ITGA9: variants seen among roughly 807,000 people sequenced by gnomAD.
The protein encoded by ITGA9 is integrin alpha-9.
Under a neutral mutation model 127.8 loss-of-function variants are expected in ITGA9, and 56 were observed. The observed-to-expected ratio is 0.44, with a 90% CI of 0.35 to 0.55. ITGA9 has a LOEUF of 0.55. Ranked by LOEUF, ITGA9 falls within the 20% of genes least tolerant of loss-of-function variation. ITGA9 has a pLI of 0.00. For synonymous variants in ITGA9, 508 were observed against 514.5 expected (o/e 0.99, Z 0.17); for missense variants, 1,196 against 1,347.1 (o/e 0.89, Z 1.76).
At chr3:37,739,594 T>G (rs1696406714) in intron 20 of ITGA9, among the ~76,000 whole-genome samples, 1 of 152,232 alleles carries the variant, frequency 6.6e-6, no homozygotes, top group South Asian at 2.1e-4. Flanking sequence ...GAGCAGTTTC[T>G]TGAACCTCTC....
chr3:37,497,808 C>G (rs926015087), intron 5 of ITGA9, among the ~76,000 whole-genome samples: 1 of 152,118 alleles, frequency 6.6e-6, no homozygotes, highest in African/African-American at 2.4e-5. Context: ...CAGTGGGAAC[C>G]ACTGTAAGTT....
chr3:37,737,250 G>T (rs1231573318), intron 20 of ITGA9, among the ~76,000 whole-genome samples: 2 of 152,232 alleles, frequency 1.3e-5, no homozygotes, highest in Non-Finnish European at 2.9e-5. Context: ...GCTGAGGAGA[G>T]ACAGGCCCAG....
chr3:37,766,917 T>C (rs1696786759), intron 23 of ITGA9, among the ~76,000 whole-genome samples: 1 of 152,282 alleles, frequency 6.6e-6, no homozygotes, highest in Non-Finnish European at 1.5e-5. Flanking sequence ...TTCCCATCTG[T>C]ATCGCTTTAA....
chr3:37,513,026 T>C (rs1226399999), intron 8 of ITGA9, among the ~76,000 whole-genome samples: 1 of 152,260 alleles, frequency 6.6e-6, no homozygotes, highest in Non-Finnish European at 1.5e-5. Flanking sequence ...CTTCAGCTCA[T>C]GCCTTCCTAA....
rs1224461661 is a variant in ITGA9, at chr3:37,683,966, T to C, written c.2018T>C (p.Val673Ala). ...GGAGATGATGCCTATGATGCCAACG[T>C]GTCCTTCAATGTTTCCCGGGAGCTC... ...NLGDDAYDAN[V>A]SFNVSRELFF... Residue 673 changes from valine to alanine, a missense_variant, in exon 18 of 28, where the codon GTG becomes GCG. Coordinates refer to ENST00000264741, the MANE Select transcript of ITGA9 (RefSeq NM_002207.3). 4.3e-6 allele frequency: 7 copies of C among 1,613,870 alleles called. No homozygotes were observed. The highest frequency in any genetic ancestry group is 5.1e-6 in the Non-Finnish European group (6 of 1,179,942).
At chr3:37,704,971 A>G (rs1418378493) in intron 18 of ITGA9, among the ~76,000 whole-genome samples, 2 of 152,224 alleles carry the variant, frequency 1.3e-5, no homozygotes, top group Non-Finnish European at 2.9e-5. Context: ...CCTTGTTTGC[A>G]TGGTTCAGAA....
At chr3:37,785,355 G>A (rs1207395819) in intron 26 of ITGA9, among the ~76,000 whole-genome samples, 3 of 152,204 alleles carry the variant, frequency 2.0e-5, no homozygotes, top group African/African-American at 7.2e-5. Flanking sequence ...GTACACCCAC[G>A]TCAACAGAGT....
chr3:37,793,262 G>A (rs1697133201), intron 26 of ITGA9, among the ~76,000 whole-genome samples: 1 of 152,034 alleles, frequency 6.6e-6, no homozygotes, highest in East Asian at 1.9e-4. Flanking sequence ...CCACTGCTAT[G>A]GAAAGTTGTA....
intron 15 of ITGA9, among the ~76,000 whole-genome samples, chr3:37,583,413 TCATCATCATCAGC>T (rs1699728484): frequency 4.8e-5 from 1 of 20,646 alleles, no homozygotes; most frequent in Non-Finnish European, 1.1e-4. Flanking sequence ...ATCATCAGCA[TCATCATCATCAGC>T]ATGTTTAATG....
chr3:37,615,120 G>A (rs1240716457), intron 15 of ITGA9, among the ~76,000 whole-genome samples: 4 of 152,096 alleles, frequency 2.6e-5, no homozygotes, highest in Non-Finnish European at 2.9e-5. Context: ...GATAGCTCTT[G>A]TTATTTTGAG....
intron 26 of ITGA9, among the ~76,000 whole-genome samples, chr3:37,788,778 TCAC>T (rs1697070494): frequency 6.6e-6 from 1 of 152,178 alleles, no homozygotes; most frequent in South Asian, 2.1e-4. Context: ...CTGTATATCA[TCAC>T]CACATTTCAT....
At chr3:37,695,741 G>A (rs1700878432) in intron 18 of ITGA9, among the ~76,000 whole-genome samples, 1 of 152,216 alleles carries the variant, frequency 6.6e-6, no homozygotes, top group Non-Finnish European at 1.5e-5. Context: ...AAGCAAGTCT[G>A]TGTTTAAAAT....
chr3:37,727,409 G>A (rs1696225231), intron 18 of ITGA9, among the ~76,000 whole-genome samples: 2 of 152,142 alleles, frequency 1.3e-5, no homozygotes, highest in African/African-American at 4.8e-5. Context: ...CTTAAAATAG[G>A]GTCTAAAATT....
At chr3:37,508,817 G>A (rs1408273238) in intron 8 of ITGA9, among the ~76,000 whole-genome samples, 190 bp downstream of exon 8, 3 of 152,064 alleles carry the variant, frequency 2.0e-5, no homozygotes, top group Admixed American at 6.6e-5. Context: ...ATTCATACTC[G>A]CTTTAGGAGA....
chr3:37,696,451 A>T (rs573391876), intron 18 of ITGA9, among the ~76,000 whole-genome samples: 5 of 152,234 alleles, frequency 3.3e-5, no homozygotes, highest in Non-Finnish European at 7.3e-5. Flanking sequence ...AGCCATTTCA[A>T]CGATGTTGTC....
intron 4 of ITGA9, among the ~76,000 whole-genome samples, chr3:37,489,386 C>G (rs1338270074): frequency 6.6e-6 from 1 of 152,260 alleles, no homozygotes; most frequent in Non-Finnish European, 1.5e-5. Context: ...AAACAAACCA[C>G]TTGCTCTTTC....
chr3:37,634,134 C>T (rs759362617), intron 16 of ITGA9, among the ~76,000 whole-genome samples: 2 of 151,890 alleles, frequency 1.3e-5, no homozygotes, highest in Non-Finnish European at 2.9e-5. Flanking sequence ...AACCATACCA[C>T]TAGAGAAAAT....
At chr3:37,610,864 G>A (rs1020519795) in intron 15 of ITGA9, among the ~76,000 whole-genome samples, 1 of 152,148 alleles carries the variant, frequency 6.6e-6, no homozygotes, top group African/African-American at 2.4e-5. Flanking sequence ...GATGTAATAG[G>A]TGGTATTTAT....
intron 14 of ITGA9, among the ~76,000 whole-genome samples, chr3:37,540,405 G>T (rs912274332): frequency 3.3e-5 from 5 of 152,246 alleles, no homozygotes; most frequent in African/African-American, 1.2e-4. Context: ...CAGGGCAGTT[G>T]TTCAGGGAAG....
Sources: allele counts gnomAD v4.1 joint callset (sites outside exome capture counted in the v4.1 genomes callset), GRCh38; gene constraint gnomAD v4.1.1; transcripts MANE v1.5; gene names NCBI Gene and HGNC (gene_info 2026-07-23, HGNC 2026-07-21).